Variants in FSTL5 observed in about 807,000 individuals in gnomAD.
FSTL5 encodes follistatin-related protein 5.
In FSTL5, 62 loss-of-function variants were observed where a neutral mutation model predicts 89.1. That is an observed-to-expected ratio of 0.70 (90% CI 0.57 to 0.86). The LOEUF (loss-of-function observed/expected upper bound fraction) is 0.86, where lower values mean the gene tolerates loss of function less well. Ranked by LOEUF, FSTL5 falls within the 40% of genes least tolerant of loss-of-function variation. FSTL5 has a pLI of 0.00. For missense variants in FSTL5, 1,057 were observed against 1,001.6 expected (o/e 1.06, Z -0.75); for synonymous variants, 383 against 346.2 (o/e 1.11, Z -1.18).
intron 2 of FSTL5, among the ~76,000 whole-genome samples, chr4:162,086,916 T>A (rs1333615465): frequency 1.3e-5 from 2 of 152,122 alleles, no homozygotes; most frequent in Non-Finnish European, 2.9e-5. Context: ...TATTTTACAA[T>A]TACATATGAT....
intron 4 of FSTL5, among the ~76,000 whole-genome samples, chr4:161,866,316 T>G (rs1452768552): frequency 1.3e-5 from 2 of 152,152 alleles, no homozygotes; most frequent in African/African-American, 2.4e-5. Flanking sequence ...CTGTGACACA[T>G]GCCTTTCCTA....
At chr4:161,729,598 G>A (rs1739538385) in intron 6 of FSTL5, among the ~76,000 whole-genome samples, 1 of 152,072 alleles carries the variant, frequency 6.6e-6, no homozygotes, top group Admixed American at 6.6e-5. Context: ...GATTTGGAAG[G>A]AAGAACAAAA....
In FSTL5 at chr4:161,481,155, G is replaced by A. The variant is rs1247464471; in HGVS notation, c.1473C>T (p.Pro491=). ...KLLGFQDEVC[P]KAEGDEVQRC... ...TCTGAACTTCATCTCCCTCAGCTTT[G>A]GGACAGACTTCATCCTGTAATTTAG... Residue 491 remains proline (P), a synonymous_variant, in exon 13 of 16, where the codon CCC becomes CCT. Coordinates refer to ENST00000306100, the MANE Select transcript of FSTL5 (RefSeq NM_020116.5). 6.2e-7 allele frequency: 1 copy of A among 1,607,044 alleles called. No individual in the cohort carries two copies. Among genetic ancestry groups the A allele is most frequent in the Non-Finnish European group, 8.5e-7 (1 of 1,176,474 alleles).
rs544347991 is a variant in FSTL5, at chr4:162,041,240, T to C, written c.127-7582A>G. 7.4e-4 allele frequency among the ~76,000 whole-genome samples: 107 copies of C among 143,752 alleles called. 1 individual carries two copies. Among genetic ancestry groups the C allele is most frequent in the African/African-American group, 2.7e-3 (105 of 39,360 alleles). The allele number at this position is 143,752 out of a possible 152,430, so 94.3% of individuals were successfully genotyped here. ...AAAAAAAAAAAGGAGTTTATCTCCATAGCAAAGTGTAAAAGCACATTCTGT... is the reference window on the plus strand; with the variant it reads ...AAAAAAAAAAAGGAGTTTATCTCCACAGCAAAGTGTAAAAGCACATTCTGT... On this transcript the variant is annotated intron_variant, in intron 2 of 15. Transcript: ENST00000306100.
At chr4:162,119,004 C>A (rs977135166) in intron 1 of FSTL5, among the ~76,000 whole-genome samples, 1 of 151,974 alleles carries the variant, frequency 6.6e-6, no homozygotes, top group Non-Finnish European at 1.5e-5. Context: ...CCTCCTGAGG[C>A]CAGAAATTCA....
intron 1 of FSTL5, among the ~76,000 whole-genome samples, chr4:162,115,457 T>C (rs930618653): frequency 5.9e-5 from 9 of 152,212 alleles, no homozygotes; most frequent in African/African-American, 1.9e-4. Flanking sequence ...TTTCTTAGTA[T>C]AGTAACCTCT....
At position 161,474,455 on chromosome 4, in the gene FSTL5, T is replaced by C. The variant is rs192685411; in HGVS notation, c.1608+6565A>G. ...CAAAAAGTGTAGTTACCAAATTTTATTATAATCATATTAGATTTTGTGATT... is the reference window on the plus strand; with the variant it reads ...CAAAAAGTGTAGTTACCAAATTTTACTATAATCATATTAGATTTTGTGATT... On this transcript the variant is annotated intron_variant, in intron 13 of 15. Coordinates refer to ENST00000306100, the MANE Select transcript of FSTL5 (RefSeq NM_020116.5). 3.4e-4 allele frequency among the ~76,000 whole-genome samples: 51 copies of C among 152,162 alleles called. No individual in the cohort carries two copies. In the East Asian group the frequency reaches 6.4e-3, roughly 19 times the overall value.
chr4:161,478,821 C>T (rs893758279), intron 13 of FSTL5, among the ~76,000 whole-genome samples: 13 of 151,914 alleles, frequency 8.6e-5, no homozygotes, highest in East Asian at 3.9e-4. Context: ...ACAGAATCCA[C>T]AATGAGAATC....
At chr4:162,093,021 C>T (rs1289837028) in intron 2 of FSTL5, among the ~76,000 whole-genome samples, 1 of 150,190 alleles carries the variant, frequency 6.7e-6, no homozygotes, top group Non-Finnish European at 1.5e-5. Context: ...GGGCTTATAC[C>T]TTATAAGCAT....
intron 10 of FSTL5, among the ~76,000 whole-genome samples, chr4:161,519,631 T>C (rs973620254): frequency 2.6e-5 from 4 of 152,192 alleles, no homozygotes; most frequent in African/African-American, 7.2e-5. Context: ...CCTAAGCTTC[T>C]AATTATATAT....
intron 3 of FSTL5, among the ~76,000 whole-genome samples, chr4:162,013,397 C>T (rs1487469728): frequency 6.6e-6 from 1 of 152,090 alleles, no homozygotes; most frequent in Non-Finnish European, 1.5e-5. Context: ...CATAACACTC[C>T]TGGTTTCTTT....
intron 3 of FSTL5, among the ~76,000 whole-genome samples, chr4:161,949,247 C>T (rs1020343000): frequency 6.6e-6 from 1 of 152,096 alleles, no homozygotes; most frequent in African/African-American, 2.4e-5. Flanking sequence ...GTAATTACAT[C>T]GGGCCCACTT....
intron 4 of FSTL5, among the ~76,000 whole-genome samples, chr4:161,890,433 T>C (rs1394833914): frequency 6.6e-6 from 1 of 152,110 alleles, no homozygotes; most frequent in African/African-American, 2.4e-5. Flanking sequence ...CTCACACCTG[T>C]AATCCCAACA....
chr4:161,595,672 T>A (rs922531308), intron 7 of FSTL5, among the ~76,000 whole-genome samples: 1 of 152,022 alleles, frequency 6.6e-6, no homozygotes, highest in Admixed American at 6.6e-5. Context: ...TGAGCACTGA[T>A]TAATCAGAAT....
intron 3 of FSTL5, among the ~76,000 whole-genome samples, chr4:162,015,336 T>C (rs1736886520): frequency 6.6e-6 from 1 of 152,194 alleles, no homozygotes; most frequent in Non-Finnish European, 1.5e-5. Flanking sequence ...TCTGCTTACT[T>C]GGTTTGATTC....
intron 6 of FSTL5, among the ~76,000 whole-genome samples, chr4:161,743,515 T>C (rs1273875245): frequency 2.0e-5 from 3 of 152,140 alleles, no homozygotes; most frequent in African/African-American, 4.8e-5. Context: ...TTTGTCAAGA[T>C]TGTTTTGGCT....
intron 4 of FSTL5, among the ~76,000 whole-genome samples, chr4:161,889,556 A>G (rs1039778312): frequency 2.6e-5 from 4 of 152,206 alleles, no homozygotes; most frequent in African/African-American, 9.6e-5. Context: ...AGGCAGGAGA[A>G]TCACTTGAAC....
At chr4:161,911,586 T>C (rs1733693840) in intron 4 of FSTL5, among the ~76,000 whole-genome samples, 1 of 152,146 alleles carries the variant, frequency 6.6e-6, no homozygotes, top group Non-Finnish European at 1.5e-5. Flanking sequence ...AGTTCTTAAA[T>C]TGACTATCAC....
intron 8 of FSTL5, among the ~76,000 whole-genome samples, chr4:161,579,821 C>G (rs1172792864): frequency 1.3e-5 from 2 of 151,310 alleles, no homozygotes; most frequent in Admixed American, 6.6e-5. Flanking sequence ...GAGAATAAGC[C>G]CAGGATACAA....
Sources: allele counts gnomAD v4.1 joint callset (sites outside exome capture counted in the v4.1 genomes callset), GRCh38; gene constraint gnomAD v4.1.1; transcripts MANE v1.5; gene names NCBI Gene and HGNC (gene_info 2026-07-23, HGNC 2026-07-21).